Variants in KHDRBS2 observed in about 807,000 individuals in gnomAD.
KHDRBS2 encodes KH RNA binding domain containing, signal transduction associated 2.
A neutral mutation model predicts 44.3 loss-of-function variants in KHDRBS2; 26 were observed. That is an observed-to-expected ratio of 0.59 (90% confidence interval 0.43 to 0.81). The LOEUF (loss-of-function observed/expected upper bound fraction) is 0.81. KHDRBS2 is among the 40% of genes least tolerant of loss of function. KHDRBS2 has a pLI of 0.00. For synonymous variants in KHDRBS2, 194 were observed against 151.1 expected (o/e 1.28, Z -2.08); for missense variants, 476 against 433.1 (o/e 1.10, Z -0.88).
At chr6:62,267,984 C>A (rs1839475427) in intron 1 of KHDRBS2, among the ~76,000 whole-genome samples, 1 of 151,966 alleles carries the variant, frequency 6.6e-6, no homozygotes, top group South Asian at 2.1e-4. Flanking sequence ...AAGAAAGTAT[C>A]AACACATAGC....
intron 3 of KHDRBS2, among the ~76,000 whole-genome samples, chr6:62,047,251 C>A (rs1209533210): frequency 6.6e-6 from 1 of 151,902 alleles, no homozygotes; most frequent in Admixed American, 6.6e-5. Context: ...ACACTGAATT[C>A]TAACACTGAG....
intron 2 of KHDRBS2, among the ~76,000 whole-genome samples, chr6:62,172,751 A>G (rs1820311659): frequency 6.7e-6 from 1 of 148,926 alleles, no homozygotes; most frequent in Admixed American, 6.7e-5. Flanking sequence ...CTCTTGGACC[A>G]CAGCACAATA....
intron 1 of KHDRBS2, among the ~76,000 whole-genome samples, chr6:62,184,434 C>A (rs1189975709): frequency 6.6e-6 from 1 of 151,618 alleles, no homozygotes; most frequent in Admixed American, 6.6e-5. Flanking sequence ...TAACAATTAT[C>A]CCACTTTCCA....
intron 2 of KHDRBS2, among the ~76,000 whole-genome samples, chr6:62,139,352 A>C (rs753814207): frequency 6.6e-6 from 1 of 152,028 alleles, no homozygotes; most frequent in Non-Finnish European, 1.5e-5. Context: ...GGAGATCGAG[A>C]CCATCCTGGC....
intron 2 of KHDRBS2, among the ~76,000 whole-genome samples, chr6:62,108,272 A>C (rs1251840642): frequency 1.3e-5 from 2 of 152,208 alleles, no homozygotes; most frequent in South Asian, 4.1e-4. Context: ...ACCCCATCAA[A>C]AAGTGGGCGA....
At chr6:61,699,691 AAAAAG>A (rs1260095703) in intron 7 of KHDRBS2, among the ~76,000 whole-genome samples, 3 of 152,166 alleles carry the variant, frequency 2.0e-5, no homozygotes, top group East Asian at 1.9e-4. Flanking sequence ...AGAGAAGCAG[AAAAAG>A]AAAAGAAAAG....
At chr6:61,553,095 C>T in the KHDRBS2 span, among the ~76,000 whole-genome samples, 1 of 152,160 alleles carries the variant, frequency 6.6e-6, no homozygotes, top group African/African-American at 2.4e-5. Flanking sequence ...CTTCTTTATA[C>T]AAGTGGTTGA....
intron 1 of KHDRBS2, among the ~76,000 whole-genome samples, chr6:62,280,739 A>C (rs547999909): frequency 2.6e-5 from 4 of 152,346 alleles, no homozygotes; most frequent in African/African-American, 9.6e-5. Flanking sequence ...ATTCACATTG[A>C]ATCATGTTGA....
chr6:61,973,241 CT>C lies in KHDRBS2; in HGVS notation c.483+4824del, dbSNP rs968958566. Among the ~76,000 whole-genome samples the C allele has an allele frequency of 2.3e-4, 35 of 152,146 alleles. No homozygotes were observed. The East Asian group carries it at 6.6e-3, about 29-fold the overall frequency. ...TTTATCATCTTCTAAAACTTTATAA[CT>C]TTTTTTTAGTGTATGAAAGTTTAGA... On this transcript the variant is annotated intron_variant, in intron 4 of 8. Coordinates refer to ENST00000281156, the MANE Select transcript of KHDRBS2 (RefSeq NM_152688.4).
intron 8 of KHDRBS2, among the ~76,000 whole-genome samples, chr6:61,689,585 C>T (rs1767173807): frequency 6.6e-6 from 1 of 151,912 alleles, no homozygotes; most frequent in Non-Finnish European, 1.5e-5. Context: ...CATGATTGAA[C>T]CTATCTGTGC....
At chr6:61,770,010 G>A (rs561427533) in intron 6 of KHDRBS2, among the ~76,000 whole-genome samples, 1 of 152,266 alleles carries the variant, frequency 6.6e-6, no homozygotes, top group Admixed American at 6.5e-5. Context: ...CGATCAGGCA[G>A]CAGCATCTGC....
chr6:62,102,339 C>T (rs1359458971), intron 2 of KHDRBS2, among the ~76,000 whole-genome samples: 1 of 152,168 alleles, frequency 6.6e-6, no homozygotes, highest in African/African-American at 2.4e-5. Context: ...ACTTATAGTT[C>T]CAGCTATGGC....
At chr6:62,182,766 T>A (rs1822601372) in intron 1 of KHDRBS2, among the ~76,000 whole-genome samples, 1 of 151,964 alleles carries the variant, frequency 6.6e-6, no homozygotes, top group East Asian at 1.9e-4. Context: ...ATATTAAGAA[T>A]GTTTCTTCAT....
At chr6:61,788,843 T>C (rs1784212825) in intron 6 of KHDRBS2, among the ~76,000 whole-genome samples, 1 of 151,096 alleles carries the variant, frequency 6.6e-6, no homozygotes, top group Non-Finnish European at 1.5e-5. Context: ...TCATGATGCC[T>C]GAAAAAAATC....
chr6:61,724,774 T>C (rs148445943), intron 7 of KHDRBS2, among the ~76,000 whole-genome samples: 11 of 152,266 alleles, frequency 7.2e-5, no homozygotes, highest in African/African-American at 2.4e-4. Context: ...CATAAATATA[T>C]ATGCACCCAA....
chr6:61,546,797 A>C, the KHDRBS2 span, among the ~76,000 whole-genome samples: 1 of 152,124 alleles, frequency 6.6e-6, no homozygotes, highest in Admixed American at 6.6e-5. Flanking sequence ...GGGTAGTGTC[A>C]CTGACTGCTT....
chr6:62,121,048 G>A (rs1221750984), intron 2 of KHDRBS2, among the ~76,000 whole-genome samples: 3 of 152,126 alleles, frequency 2.0e-5, no homozygotes, highest in African/African-American at 7.2e-5. Context: ...GCTTACAGAG[G>A]TCAGGTAATT....
intron 3 of KHDRBS2, among the ~76,000 whole-genome samples, chr6:62,031,754 T>C (rs1784375047): frequency 6.6e-6 from 1 of 152,046 alleles, no homozygotes. Flanking sequence ...TTTTTGACTC[T>C]AGTGCCAGGC....
At chr6:62,120,522 A>G (rs1353849428) in intron 2 of KHDRBS2, among the ~76,000 whole-genome samples, 4 of 152,158 alleles carry the variant, frequency 2.6e-5, no homozygotes, top group Non-Finnish European at 4.4e-5. Context: ...GCAGCACTCA[A>G]CTGTCAAAGG....
Sources: gnomAD v4.1 joint callset for allele counts (sites outside exome capture counted in the v4.1 genomes callset) on GRCh38, gnomAD v4.1.1 for gene constraint, MANE v1.5 for transcripts, NCBI Gene and HGNC (gene_info 2026-07-23, HGNC 2026-07-21) for gene names.